ULK1: variants seen among roughly 807,000 people sequenced by gnomAD.
The protein encoded by ULK1 is unc-51 like autophagy activating kinase 1.
A neutral mutation model predicts 117.5 loss-of-function variants in ULK1; 48 were observed. The observed-to-expected ratio is 0.41, with a 90% CI of 0.32 to 0.52. The LOEUF (loss-of-function observed/expected upper bound fraction) is 0.52, where lower values mean the gene tolerates loss of function less well. Ranked by LOEUF, ULK1 falls within the 20% of genes least tolerant of loss-of-function variation. ULK1 has a pLI of 0.29. For missense variants in ULK1, 1,387 were observed against 1,473.4 expected (o/e 0.94, Z 0.96); for synonymous variants, 790 against 637.8 (o/e 1.24, Z -3.60).
chr12:131,917,636 G>T (rs1039068823), intron 22 of ULK1, 82 bp downstream of exon 22: 243 of 1,267,578 alleles, frequency 1.9e-4, no homozygotes, highest in Non-Finnish European at 2.1e-4. Flanking sequence ...TTTAACTCGG[G>T]TCACTGGACT....
intron 1 of ULK1, among the ~76,000 whole-genome samples, chr12:131,895,319 C>T (rs1888822784): frequency 6.6e-6 from 1 of 150,986 alleles, no homozygotes; most frequent in Non-Finnish European, 1.5e-5. Context: ...GATCCGCTGC[C>T]GGGCTTTCCA....
chr12:131,910,015 A>G lies in ULK1; in HGVS notation c.808+14A>G. ...GCATGGACTTCGGTGAGCACCCACC[A>G]GGGGCGCAGCTGGAGTCCCCCACCC... On this transcript the variant is annotated intron_variant, in intron 10 of 27. Transcript: ENST00000321867. 6.2e-7 allele frequency: 1 copy of G among 1,610,740 alleles called. No homozygotes were observed. Among genetic ancestry groups the G allele is most frequent in the East Asian group, 2.2e-5 (1 of 44,850 alleles).
In ULK1 at chr12:131,915,871, C is replaced by T. The variant is rs113687393; in HGVS notation, c.1610-20C>T. The T allele has an allele frequency of 2.6e-3, 4,154 of 1,606,652 alleles. 85 individuals carry two copies. In the African/African-American group the frequency reaches 0.048, roughly 19 times the overall value. On this transcript the variant is annotated intron_variant, in intron 18 of 27. Coordinates refer to ENST00000321867, the MANE Select transcript of ULK1 (RefSeq NM_003565.4). ...GGGCCGCCGGACCGGAAGGTCGTGA[C>T]GAGGCGTGTCTCTCTCTAGGCTCCT...
chr12:131,918,361 G>C (rs1392410801), intron 22 of ULK1, 136 bp from the exon 23 acceptor site: 1 of 1,070,084 alleles, frequency 9.3e-7, no homozygotes, highest in Non-Finnish European at 1.3e-6. Flanking sequence ...TTCTCCTGTT[G>C]GAGCATTGGG....
At position 131,921,929 on chromosome 12, in the gene ULK1, T is replaced by C. The variant is rs1323955118; in HGVS notation, c.*568T>C. The C allele has an allele frequency of 4.4e-6, 2 of 456,334 alleles. No individual in the cohort carries two copies. Among genetic ancestry groups the C allele is most frequent in the Non-Finnish European group, 8.8e-6 (2 of 226,942 alleles). 28.3% of individuals were successfully genotyped at this position (456,334 alleles called of 1,614,324 possible). A position where few individuals can be genotyped will look rare whatever the true frequency, so the allele number is the denominator to read the frequency against. On this transcript the variant is annotated 3_prime_UTR_variant, in exon 28 of 28. Coordinates refer to ENST00000321867, the MANE Select transcript of ULK1 (RefSeq NM_003565.4). Reference sequence around the variant, plus strand: ...GGCCTGGTGTTTGTACATACACATATGCAGACACATGCCAGGGCCCCCCAA... The same window carrying C: ...GGCCTGGTGTTTGTACATACACATACGCAGACACATGCCAGGGCCCCCCAA...
chr12:131,915,147 C>A lies in ULK1; in HGVS notation c.1438C>A (p.Pro480Thr), dbSNP rs753117776. 1 of 1,606,426 alleles carries A rather than the reference C, an allele frequency of 6.2e-7. No homozygotes were observed. The highest frequency in any genetic ancestry group is 8.5e-7 in the Non-Finnish European group (1 of 1,176,854). The stretch of plus-strand genomic sequence containing the variant: ...GGGCTTTGCAAGGGCCAGCCCCTCG[C>A]CCCCTGCCCACGCTGAGCATGGAGG... ...PLGFARASPSPPAHAEHGGVL... is the reference protein window; with the variant it reads ...PLGFARASPSTPAHAEHGGVL... Residue 480 changes from proline to threonine, a missense_variant, in exon 17 of 28, where the codon CCC becomes ACC. By Grantham distance (38) the Pro-to-Thr change is conservative. Coordinates refer to ENST00000321867, the MANE Select transcript of ULK1 (RefSeq NM_003565.4).
intron 26 of ULK1, 104 bp from the exon 27 acceptor site, chr12:131,920,996 G>T: frequency 7.0e-7 from 1 of 1,432,892 alleles, no homozygotes; most frequent in African/African-American, 1.4e-5. Context: ...ACTGCCCTGA[G>T]CGCCTATCTG....
In ULK1 at chr12:131,919,401, C is replaced by A; in HGVS notation, c.2684+17C>A. 2.7e-6 allele frequency: 1 copy of A among 365,518 alleles called. No individual in the cohort carries two copies. Among genetic ancestry groups the A allele is most frequent in the Non-Finnish European group, 5.6e-6 (1 of 178,904 alleles). The allele number at this position is 365,518 out of a possible 1,614,324, so 22.6% of individuals were successfully genotyped here. ...AGAATGGGGGTGGGTGCCGCCAGGG[C>A]TGGGGTGGGGCGGGTGGTGGCCTGG... On this transcript the variant is annotated intron_variant, in intron 24 of 27. Coordinates refer to ENST00000321867, the MANE Select transcript of ULK1 (RefSeq NM_003565.4).
intron 15 of ULK1, 42 bp downstream of exon 15, chr12:131,913,878 T>C (rs1566122951): frequency 7.0e-7 from 1 of 1,427,676 alleles, no homozygotes; most frequent in Admixed American, 2.7e-5. Context: ...CTGTGAACAG[T>C]CCCCCGGCTG....
chr12:131,916,779 C>T (rs1443202065), intron 20 of ULK1, among the ~76,000 whole-genome samples, 174 bp from the exon 21 acceptor site: 7 of 152,162 alleles, frequency 4.6e-5, no homozygotes, highest in Non-Finnish European at 1.0e-4. Context: ...ACAGCAGGTC[C>T]CCGTCCTGAG....
chr12:131,919,037 T>C (rs1218073904), intron 23 of ULK1, among the ~76,000 whole-genome samples, 175 bp from the exon 24 acceptor site: 2 of 128,550 alleles, frequency 1.6e-5, no homozygotes, highest in Non-Finnish European at 3.4e-5. Flanking sequence ...GGGTGTACGG[T>C]GTGTGGGGTG....
At chr12:131,920,362 C>A in intron 26 of ULK1, 1 of 548,246 alleles carries the variant, frequency 1.8e-6, no homozygotes, top group Non-Finnish European at 3.2e-6. Flanking sequence ...GTGCATCCTG[C>A]CTCGCCCCGA....
Position 131,911,987 on chromosome 12 carries a change from G to A in ULK1, c.994G>A (p.Ala332Thr), listed in dbSNP as rs779573703. 7 of 1,612,778 alleles carry A rather than the reference G, an allele frequency of 4.3e-6. No homozygotes were observed. Residue 332 changes from alanine to threonine, a missense_variant, in exon 13 of 28, where the codon GCT becomes ACT. This residue lies in a region of ULK1 where 260 missense variants were observed against 271.6 expected (regional missense o/e 0.96). Transcript: ENST00000321867. ...GCTGCAGAAGACCCTGGCCTCCCCG[G>A]CTGACACCGCTGGCTTCCTGCACAG... ...QQLQKTLASP[A>T]DTAGFLHSSR... is the part of the protein sequence containing the mutation.
rs774162198 is a variant in ULK1, at chr12:131,910,292, T to C, written c.847T>C (p.Ser283Pro). The change falls in exon 11 of 28, where the codon TCG (serine) becomes CCG (proline). Residue 283 changes from serine to proline, a missense_variant. This residue lies in a region of ULK1 where 260 missense variants were observed against 271.6 expected (regional missense o/e 0.96). Coordinates refer to ENST00000321867, the MANE Select transcript of ULK1 (RefSeq NM_003565.4). ...TCACCCTTTCCTCGATGCCAGCCCCTCGGTCAGGAAATGTGAGTTTCTGTG... is the reference window on the plus strand; with the variant it reads ...TCACCCTTTCCTCGATGCCAGCCCCCCGGTCAGGAAATGTGAGTTTCTGTG... ...FHHPFLDASP[S>P]VRKSPPVPVP... The C allele has an allele frequency of 3.3e-5, 53 of 1,613,604 alleles. No homozygotes were observed. The highest frequency in any genetic ancestry group is 4.2e-5 in the Non-Finnish European group (50 of 1,179,984).
At position 131,922,630 on chromosome 12, in the gene ULK1, A is replaced by G. The variant is rs4964914; in HGVS notation, c.*1269A>G. ...CCTCCCTTGGTCTGCCCAGCCCTCG[A>G]TTAGCCCTGCCTGAATCAGTAGATA... On this transcript the variant is annotated 3_prime_UTR_variant, in exon 28 of 28. Transcript: ENST00000321867. The G allele has an allele frequency of 1, 153,406 of 153,408 alleles. 76,702 individuals are homozygous for G. The highest frequency in any genetic ancestry group is 1 in the Non-Finnish European group (68,792 of 68,792). The allele number at this position is 153,408 out of a possible 1,614,324, so 9.5% of individuals were successfully genotyped here.
intron 12 of ULK1, 63 bp from the exon 13 acceptor site, chr12:131,911,879 A>T: frequency 6.2e-7 from 1 of 1,608,860 alleles, no homozygotes; most frequent in African/African-American, 1.3e-5. Flanking sequence ...AGGAGGGGGA[A>T]TTTGCTCCCC....
chr12:131,910,619 G>A, intron 11 of ULK1, 93 bp from the exon 12 acceptor site: 6 of 1,610,736 alleles, frequency 3.7e-6, no homozygotes, highest in Non-Finnish European at 5.1e-6. Flanking sequence ...AAGTGGAGGG[G>A]ATATGGTTGA....
chr12:131,907,395 A>T, intron 4 of ULK1, 100 bp from the exon 5 acceptor site: 4 of 1,470,460 alleles, frequency 2.7e-6, no homozygotes, highest in South Asian at 1.3e-5. Context: ...CTGCGGGCTC[A>T]GGGAGTAGTG....
rs1890168819 is a variant in ULK1 at position 131,921,952 on chromosome 12, C to A, written c.*591C>A. ...TATGCAGACACATGCCAGGGCCCCC[C>A]AAGCCCGAGCACCGGACCACGTTGC... On this transcript the variant is annotated 3_prime_UTR_variant, in exon 28 of 28. Coordinates refer to ENST00000321867, the MANE Select transcript of ULK1 (RefSeq NM_003565.4). 2.2e-6 allele frequency: 1 copy of A among 456,216 alleles called. No individual in the cohort carries two copies. The highest frequency in any genetic ancestry group is 6.9e-5 in the East Asian group (1 of 14,410). The allele number at this position is 456,216 out of a possible 1,614,324, so 28.3% of individuals were successfully genotyped here. A position where few individuals can be genotyped will look rare whatever the true frequency, so the allele number is the denominator to read the frequency against.
Sources: gnomAD v4.1 joint callset for allele counts (sites outside exome capture counted in the v4.1 genomes callset) on GRCh38, gnomAD v4.1.1 for gene constraint, gnomAD v4.1.1 regional missense constraint, MANE v1.5 for transcripts, NCBI Gene and HGNC (gene_info 2026-07-23, HGNC 2026-07-21) for gene names.